EFCAB5: variants seen among roughly 807,000 people sequenced by gnomAD.
EFCAB5 encodes the protein EF-hand calcium-binding domain-containing protein 5.
In EFCAB5, 131 loss-of-function variants were observed where a neutral mutation model predicts 167.9. The observed-to-expected ratio is 0.78, with a 90% confidence interval of 0.68 to 0.90. EFCAB5 has a LOEUF of 0.90. Ranked by LOEUF, EFCAB5 falls within the 40% of genes least tolerant of loss-of-function variation. The pLI is 0.00. For missense variants in EFCAB5, 1,663 were observed against 1,745.2 expected, an observed-to-expected ratio of 0.95 and a Z score of 0.84; for synonymous variants, 574 against 602.8, an observed-to-expected ratio of 0.95 and a Z score of 0.70.
At chr17:30,100,799 G>A (rs1281840278) in intron 22 of EFCAB5, among the ~76,000 whole-genome samples, 1 of 152,028 alleles carries the variant, frequency 6.6e-6, no homozygotes, top group Non-Finnish European at 1.5e-5. Context: ...GCAAAGATGT[G>A]AAGGAAGTGA....
chr17:30,075,896 G>C (rs2070858852), intron 14 of EFCAB5, among the ~76,000 whole-genome samples: 1 of 152,182 alleles, frequency 6.6e-6, no homozygotes, highest in African/African-American at 2.4e-5. Context: ...AATGAAAGGG[G>C]AAAAAGAAGA....
chr17:30,106,121 G>C (rs933573851), intron 22 of EFCAB5, among the ~76,000 whole-genome samples: 3 of 151,760 alleles, frequency 2.0e-5, no homozygotes, highest in Non-Finnish European at 2.9e-5. Flanking sequence ...ATATTTAAAA[G>C]CTTTTACTCA....
At chr17:30,043,168 A>G (rs1401591163) in intron 8 of EFCAB5, among the ~76,000 whole-genome samples, 3 of 152,148 alleles carry the variant, frequency 2.0e-5, no homozygotes, top group African/African-American at 7.2e-5. Context: ...ACCAAAAAAC[A>G]AAATCATATA....
chr17:30,049,975 TAG>T (rs1185504055), intron 8 of EFCAB5, among the ~76,000 whole-genome samples: 1 of 152,102 alleles, frequency 6.6e-6, no homozygotes, highest in Non-Finnish European at 1.5e-5. Flanking sequence ...ACACCATCAA[TAG>T]AGGAGTTTTT....
At chr17:29,930,608 CG>C (rs5819876) in intron 1 of EFCAB5, among the ~76,000 whole-genome samples, 65,144 of 151,690 alleles carry the variant, frequency 0.43, 15,900 homozygotes, top group East Asian at 0.68. Flanking sequence ...AAGGGCTCCG[CG>C]GAGTTTCAAA....
intron 13 of EFCAB5, among the ~76,000 whole-genome samples, chr17:30,058,465 T>C (rs1567748882): frequency 6.6e-6 from 1 of 152,226 alleles, no homozygotes; most frequent in Non-Finnish European, 1.5e-5. Flanking sequence ...CAATTCCCTT[T>C]ACCTTCTCAA....
At chr17:29,972,829 T>C (rs919449887) in intron 4 of EFCAB5, 4 of 214,912 alleles carry the variant, frequency 1.9e-5, no homozygotes, top group Non-Finnish European at 4.0e-5. Context: ...TTGATGGCCA[T>C]GGTCTGGGAA....
intron 14 of EFCAB5, among the ~76,000 whole-genome samples, chr17:30,072,725 T>A (rs1567758952): frequency 6.6e-6 from 1 of 152,230 alleles, no homozygotes; most frequent in Non-Finnish European, 1.5e-5. Flanking sequence ...TCTTATTGTA[T>A]CTTATCAAAA....
intron 3 of EFCAB5, among the ~76,000 whole-genome samples, chr17:29,947,491 G>A (rs1321925730): frequency 6.6e-6 from 1 of 152,076 alleles, no homozygotes; most frequent in Non-Finnish European, 1.5e-5. Flanking sequence ...CAGGTGATGG[G>A]TGCACTAAAA....
chr17:30,054,841 T>C (rs2070206914), intron 10 of EFCAB5, among the ~76,000 whole-genome samples: 1 of 152,246 alleles, frequency 6.6e-6, no homozygotes, highest in Non-Finnish European at 1.5e-5. Flanking sequence ...TTCTCATTAG[T>C]CACTTAATAG....
In EFCAB5 at chr17:29,943,578, T is replaced by C. The variant is rs1350814200; in HGVS notation, c.119T>C (p.Val40Ala). The stretch of plus-strand genomic sequence containing the variant: ...CTCTTTTCAAAGACCTTACAGAGTG[T>C]GCCAGACGTTCCTGTAAAAGAGGAC... Reference protein sequence around the residue: ...VKELHETLQSVPDVPVKEDTN... With the variant: ...VKELHETLQSAPDVPVKEDTN... The change falls in exon 3 of 23, where the codon GTG becomes GCG. Residue 40 changes from valine (V) to alanine (A), a missense_variant. Transcript: ENST00000394835. 5 of 1,581,164 alleles carry C rather than the reference T, an allele frequency of 3.2e-6. No individual in the cohort carries two copies. Among genetic ancestry groups the C allele is most frequent in the African/African-American group, 1.3e-5 (1 of 74,234 alleles).
chr17:30,094,405 T>C (rs1173416811), intron 22 of EFCAB5, among the ~76,000 whole-genome samples: 3 of 148,100 alleles, frequency 2.0e-5, no homozygotes, highest in Non-Finnish European at 4.4e-5. Context: ...GCACAGTGAC[T>C]CACACCTGTA....
At chr17:30,038,519 A>G (rs2069684741) in intron 8 of EFCAB5, among the ~76,000 whole-genome samples, 1 of 152,230 alleles carries the variant, frequency 6.6e-6, no homozygotes. Context: ...TGTTGTTTTC[A>G]TTCCTAATAA....
At chr17:29,930,216 T>G (rs955951442) in intron 1 of EFCAB5, 3 of 555,918 alleles carry the variant, frequency 5.4e-6, no homozygotes, top group East Asian at 6.2e-5. Flanking sequence ...GTTCCGCAGC[T>G]GCGGGGCACA....
At chr17:30,003,302 C>T (rs115950349) in intron 7 of EFCAB5, among the ~76,000 whole-genome samples, 5,363 of 152,108 alleles carry the variant, frequency 0.035, 135 homozygotes, top group Middle Eastern at 0.068. Context: ...GTGGCATGAT[C>T]GCGGCTCACT....
chr17:30,058,517 T>G (rs1036595474), intron 13 of EFCAB5, among the ~76,000 whole-genome samples: 2 of 152,236 alleles, frequency 1.3e-5, no homozygotes, highest in Non-Finnish European at 2.9e-5. Flanking sequence ...ATATTCATTT[T>G]ATTTTTGCAA....
Position 30,080,151 on chromosome 17 carries a change from G to A in EFCAB5, c.3107G>A (p.Gly1036Glu), listed in dbSNP as rs2070954045. 1 of 1,613,896 alleles carries A rather than the reference G, an allele frequency of 6.2e-7. No homozygotes were observed. The highest frequency in any genetic ancestry group is 8.5e-7 in the Non-Finnish European group (1 of 1,179,858). Reference protein sequence around the residue: ...LEENLLLPEKGNVLLRNVACT... With the variant: ...LEENLLLPEKENVLLRNVACT... ...GAAAACCTACTACTGCCTGAGAAAG[G>A]GAATGTTCTATTGAGGAATGTGGCT... The change falls in exon 16 of 23, where the codon GGG becomes GAG. Residue 1036 changes from glycine (G) to glutamate (E), a missense_variant. By Grantham distance (98) the Gly-to-Glu change is moderately conservative. Transcript: ENST00000394835.
At chr17:29,935,275 T>G (rs1422937145) in intron 1 of EFCAB5, among the ~76,000 whole-genome samples, 1 of 152,106 alleles carries the variant, frequency 6.6e-6, no homozygotes, top group African/African-American at 2.4e-5. Context: ...AACACCAGCT[T>G]GGGTGGGGTG....
At chr17:30,049,424 G>A (rs921654750) in intron 8 of EFCAB5, among the ~76,000 whole-genome samples, 1 of 151,912 alleles carries the variant, frequency 6.6e-6, no homozygotes, top group Non-Finnish European at 1.5e-5. Flanking sequence ...AGGTTGCAGT[G>A]AGCCGAGATC....
Sources: gnomAD v4.1 joint callset for allele counts (sites outside exome capture counted in the v4.1 genomes callset) on GRCh38, gnomAD v4.1.1 for gene constraint, MANE v1.5 for transcripts, NCBI Gene and HGNC (gene_info 2026-07-23, HGNC 2026-07-21) for gene names.